LMX1B: variants seen among roughly 807,000 people sequenced by gnomAD.
The protein encoded by LMX1B is LIM homeobox transcription factor 1 beta.
LMX1B carries 12 observed loss-of-function variants against 51.4 expected under a neutral mutation model. That is an observed-to-expected ratio of 0.23 (90% CI 0.15 to 0.38). The LOEUF (loss-of-function observed/expected upper bound fraction) is 0.38, where lower values mean the gene tolerates loss of function less well. Among genes scored for constraint, LMX1B ranks in the 10% least tolerant of loss-of-function variants. The pLI, the probability that LMX1B is intolerant of heterozygous loss-of-function variation, is 1.00. For missense variants in LMX1B, 445 were observed against 571.1 expected, an observed-to-expected ratio of 0.78 and a Z score of 2.25; for synonymous variants, 237 against 235.4, an observed-to-expected ratio of 1.01 and a Z score of -0.06.
At chr9:126,669,208 C>T (rs1000276680) in intron 2 of LMX1B, among the ~76,000 whole-genome samples, 6 of 151,216 alleles carry the variant, frequency 4.0e-5, no homozygotes, top group Admixed American at 4.0e-4. Flanking sequence ...GCATGGACTG[C>T]CTGGATGGTG....
intron 2 of LMX1B, among the ~76,000 whole-genome samples, chr9:126,617,522 T>C (rs1835326393): frequency 6.6e-6 from 1 of 151,910 alleles, no homozygotes; most frequent in Non-Finnish European, 1.5e-5. Context: ...TAACCCCTGG[T>C]TCTTCAGGCA....
In LMX1B at chr9:126,657,532, TG is replaced by T. The variant is rs201157209; in HGVS notation, c.327-33298del. ...CTGCATCTGGGGTCAGGACTGGGGT[TG>T]GGGGGAGAAGATCCACAGACTTTGG... On this transcript the variant is annotated intron_variant, in intron 2 of 7. Coordinates refer to ENST00000373474, the MANE Select transcript of LMX1B (RefSeq NM_001174147.2). Among the ~76,000 whole-genome samples the T allele has an allele frequency of 7.0e-3, 1,065 of 152,040 alleles. 13 individuals carry two copies. Among genetic ancestry groups the T allele is most frequent in the African/African-American group, 0.025 (1,017 of 41,488 alleles).
chr9:126,672,680 T>G (rs367879709), intron 2 of LMX1B, among the ~76,000 whole-genome samples: 2 of 152,272 alleles, frequency 1.3e-5, no homozygotes, highest in South Asian at 2.1e-4. Flanking sequence ...CATTCAGGCC[T>G]TCTCAGACCC....
chr9:126,678,548 A>G (rs1327655962), intron 2 of LMX1B, among the ~76,000 whole-genome samples: 2 of 152,186 alleles, frequency 1.3e-5, no homozygotes, highest in Non-Finnish European at 2.9e-5. Flanking sequence ...CCTGCCTGGT[A>G]AAATTTGTAG....
In LMX1B at chr9:126,626,936, G is replaced by A. The variant is rs1279860668; in HGVS notation, c.326+11367G>A. On this transcript the variant is annotated intron_variant, in intron 2 of 7. Transcript: ENST00000373474. The surrounding 1 kb of genome is among the most constrained non-coding windows in gnomAD (Gnocchi z 4.3). ...CTATCAGCCCGGCCGGGCCCGCAGC[G>A]TCCGCCGGTCCGTCCGGGCTCCTCT... Among the ~76,000 whole-genome samples, 5 of 152,204 alleles carry A rather than the reference G, an allele frequency of 3.3e-5. No homozygotes were observed. Among genetic ancestry groups the A allele is most frequent in the African/African-American group, 1.2e-4 (5 of 41,458 alleles).
intron 2 of LMX1B, among the ~76,000 whole-genome samples, chr9:126,646,913 A>G (rs1292650160): frequency 6.6e-6 from 1 of 152,200 alleles, no homozygotes; most frequent in African/African-American, 2.4e-5. Context: ...GGAACACACA[A>G]TGTGATAGGT....
rs907436797 is a variant in LMX1B, at chr9:126,625,725, C to T, written c.326+10156C>T. Reference sequence around the variant, plus strand: ...CACCTCCGCCGCCGCCGCCGCCACCCTCGTCCCACCGTTTGCAGGGCTTTC... The same window carrying T: ...CACCTCCGCCGCCGCCGCCGCCACCTTCGTCCCACCGTTTGCAGGGCTTTC... On this transcript the variant is annotated intron_variant, in intron 2 of 7. Coordinates refer to ENST00000373474, the MANE Select transcript of LMX1B (RefSeq NM_001174147.2). This position sits in a 1 kb window ranked among gnomAD's most constrained non-coding sequence, Gnocchi z 5.3. Among the ~76,000 whole-genome samples the T allele has an allele frequency of 6.6e-6, 1 of 152,236 alleles. No homozygotes were observed. The highest frequency in any genetic ancestry group is 1.5e-5 in the Non-Finnish European group (1 of 68,034).
At chr9:126,680,271 A>G (rs1836649523) in intron 2 of LMX1B, among the ~76,000 whole-genome samples, 1 of 152,214 alleles carries the variant, frequency 6.6e-6, no homozygotes, top group African/African-American at 2.4e-5. Context: ...AAGAACAGGG[A>G]GGTCCAGGAA....
intron 2 of LMX1B, among the ~76,000 whole-genome samples, chr9:126,646,347 T>C (rs925918570): frequency 6.6e-6 from 1 of 151,850 alleles, no homozygotes; most frequent in Non-Finnish European, 1.5e-5. Flanking sequence ...CATCCATCCA[T>C]CTACCTACCC....
intron 2 of LMX1B, among the ~76,000 whole-genome samples, chr9:126,674,173 C>T (rs1173931915): frequency 4.6e-5 from 7 of 152,094 alleles, no homozygotes; most frequent in African/African-American, 1.4e-4. Flanking sequence ...TGCTCCTCCC[C>T]GCACCAGGGA....
chr9:126,697,076 C>G lies in LMX1B; in HGVS notation c.*625C>G, dbSNP rs766327487. On this transcript the variant is annotated 3_prime_UTR_variant, in exon 8 of 8. Coordinates refer to ENST00000373474, the MANE Select transcript of LMX1B (RefSeq NM_001174147.2). The stretch of plus-strand genomic sequence containing the variant: ...GACACATGCACACTTGCAGACAAAC[C>G]CACGCAAACACACACACAGCTGTAT... 1.2e-4 allele frequency: 19 copies of G among 159,400 alleles called. No homozygotes were observed. Among genetic ancestry groups the G allele is most frequent in the Non-Finnish European group, 1.9e-4 (14 of 72,160 alleles). 9.9% of individuals were successfully genotyped at this position (159,400 alleles called of 1,614,324 possible). A position where few individuals can be genotyped will look rare whatever the true frequency, so the allele number is the denominator to read the frequency against.
chr9:126,693,751 G>A lies in LMX1B; in HGVS notation c.825G>A (p.Lys275=), dbSNP rs1454807887. The change falls in exon 6 of 8, where the codon AAG becomes AAA. Residue 275 remains lysine, a synonymous_variant. Transcript: ENST00000373474. ...VWFQNQRAKM[K]KLARRHQQQQ... is the part of the protein sequence containing the mutation. Reference sequence around the variant, plus strand: ...GAACTGCGCTCTCCCTGCAGATGAAGAAGCTGGCGCGGCGGCACCAGCAGC... The same window carrying A: ...GAACTGCGCTCTCCCTGCAGATGAAAAAGCTGGCGCGGCGGCACCAGCAGC... 6.4e-7 allele frequency: 1 copy of A among 1,555,758 alleles called. No individual in the cohort carries two copies. Among genetic ancestry groups the A allele is most frequent in the Non-Finnish European group, 8.7e-7 (1 of 1,151,276 alleles).
At chr9:126,630,364 A>C (rs1835611511) in intron 2 of LMX1B, among the ~76,000 whole-genome samples, 1 of 151,920 alleles carries the variant, frequency 6.6e-6, no homozygotes, top group African/African-American at 2.4e-5. Flanking sequence ...GAGCACCTGC[A>C]CTGAGCCTTC....
At chr9:126,616,331 C>G (rs1835302589) in intron 2 of LMX1B, among the ~76,000 whole-genome samples, 1 of 152,230 alleles carries the variant, frequency 6.6e-6, no homozygotes, top group Admixed American at 6.5e-5. Context: ...ACCCAAACCT[C>G]AGGGCTGAGG....
intron 2 of LMX1B, among the ~76,000 whole-genome samples, chr9:126,642,395 G>T (rs978003480): frequency 6.6e-6 from 1 of 152,060 alleles, no homozygotes; most frequent in African/African-American, 2.4e-5. Context: ...TCTTCCACCC[G>T]CCCTCGGTGC....
chr9:126,614,448 C>T lies in LMX1B; in HGVS notation c.-2C>T. The T allele has an allele frequency of 6.5e-7, 1 of 1,528,724 alleles. No individual in the cohort carries two copies. The highest frequency in any genetic ancestry group is 8.8e-7 in the Non-Finnish European group (1 of 1,137,806). The allele number at this position is 1,528,724 out of a possible 1,614,324, so 94.7% of individuals were successfully genotyped here. ...CGGGGTCCGCAGCGCGCCCCGCGTC[C>T]CATGGATATAGCAACAGGTCCCGAG... On this transcript the variant is annotated 5_prime_UTR_variant, in exon 1 of 8. Coordinates refer to ENST00000373474, the MANE Select transcript of LMX1B (RefSeq NM_001174147.2).
intron 2 of LMX1B, among the ~76,000 whole-genome samples, chr9:126,653,161 T>G (rs1268159947): frequency 1.4e-5 from 2 of 141,116 alleles, no homozygotes; most frequent in Non-Finnish European, 3.1e-5. Flanking sequence ...TTTTTTTTTT[T>G]TTTTTTTTTG....
intron 4 of LMX1B, 70 bp from the exon 5 acceptor site, chr9:126,693,454 A>T: frequency 6.4e-7 from 1 of 1,568,486 alleles, no homozygotes; most frequent in East Asian, 2.2e-5. Context: ...ATCCCATCAT[A>T]CCCCTAAACC....
intron 2 of LMX1B, among the ~76,000 whole-genome samples, chr9:126,637,822 T>TCCCCC (rs56108871): frequency 4.8e-4 from 44 of 92,040 alleles, no homozygotes; most frequent in Admixed American, 9.0e-4. Flanking sequence ...GTGCCTGTCC[T>TCCCCC]CCCCCCCCCC....
Sources: allele counts gnomAD v4.1 joint callset (sites outside exome capture counted in the v4.1 genomes callset), GRCh38; gene constraint gnomAD v4.1.1; non-coding constraint Gnocchi (gnomAD v3.1); transcripts MANE v1.5; gene names NCBI Gene and HGNC (gene_info 2026-07-23, HGNC 2026-07-21).